UBAP1: variants seen among roughly 807,000 people sequenced by gnomAD.
UBAP1 encodes the protein ubiquitin associated protein 1.
A neutral mutation model predicts 39.0 loss-of-function variants in UBAP1; 5 were observed. That is an observed-to-expected ratio of 0.13 (90% CI 0.07 to 0.27). UBAP1 has a LOEUF of 0.27. Ranked by LOEUF, UBAP1 falls within the 10% of genes least tolerant of loss-of-function variation. UBAP1 has a pLI of 1.00. For synonymous variants in UBAP1, 211 were observed against 225.1 expected (o/e 0.94, Z 0.56); for missense variants, 490 against 608.1 (o/e 0.81, Z 2.04).
At chr9:34,189,206 A>T (rs1385034013) in intron 1 of UBAP1, among the ~76,000 whole-genome samples, 3 of 144,282 alleles carry the variant, frequency 2.1e-5, no homozygotes, top group Non-Finnish European at 1.5e-5. Context: ...TTTTTTTTTT[A>T]AAGACAGAGT....
rs1405888069 is a variant in UBAP1, at chr9:34,234,436, C to T, written c.159+96C>T. ...AAATAGAAAAAATTACAGTTGTGAG[C>T]TGAATCATGTTTTGGTCAACGATGG... On this transcript the variant is annotated intron_variant, in intron 3 of 6. Transcript: ENST00000297661. 5 of 1,389,714 alleles carry T rather than the reference C, an allele frequency of 3.6e-6. No individual in the cohort carries two copies. The African/African-American group carries it at 7.3e-5, about 20-fold the overall frequency. The allele number at this position is 1,389,714 out of a possible 1,614,324, so 86.1% of individuals were successfully genotyped here.
At chr9:34,207,364 C>T (rs1025232937) in intron 1 of UBAP1, among the ~76,000 whole-genome samples, 1 of 146,196 alleles carries the variant, frequency 6.8e-6, no homozygotes, top group African/African-American at 2.5e-5. Context: ...GTTATTTCTA[C>T]ATGAACTTTA....
chr9:34,188,609 T>TA (rs1830546313), intron 1 of UBAP1, among the ~76,000 whole-genome samples: 1 of 151,960 alleles, frequency 6.6e-6, no homozygotes, highest in Non-Finnish European at 1.5e-5. Flanking sequence ...TGTTGTTTGT[T>TA]ACTACCACTG....
chr9:34,229,459 T>C (rs1194548274), intron 2 of UBAP1, among the ~76,000 whole-genome samples: 2 of 151,780 alleles, frequency 1.3e-5, no homozygotes, highest in African/African-American at 2.4e-5. Context: ...GGTTTCACCA[T>C]GTTGGCCAGG....
chr9:34,239,883 C>T (rs181690883), intron 3 of UBAP1, among the ~76,000 whole-genome samples: 2 of 152,262 alleles, frequency 1.3e-5, no homozygotes, highest in Admixed American at 1.3e-4. Context: ...TTTCTGCCAT[C>T]CTCAGCCCCC....
chr9:34,234,304 C>T lies in UBAP1; in HGVS notation c.123C>T (p.Ser41=), dbSNP rs1187932667. The change falls in exon 3 of 7, where the codon TCC becomes TCT. Residue 41 remains serine, a synonymous_variant. Coordinates refer to ENST00000297661, the MANE Select transcript of UBAP1 (RefSeq NM_016525.5). The stretch of plus-strand genomic sequence containing the variant: ...AAGTTGGTCTACCTATTGGCTTCTC[C>T]TTGCCTGATTGTTTGCAGGTTGTCA... ...PAKVGLPIGF[S]LPDCLQVVRE... is the part of the protein sequence containing the mutation. 3.1e-6 allele frequency: 5 copies of T among 1,611,012 alleles called. No individual in the cohort carries two copies. The Admixed American group carries it at 5.1e-5, about 16-fold the overall frequency.
At chr9:34,226,260 C>T (rs546197281) in intron 2 of UBAP1, among the ~76,000 whole-genome samples, 3 of 149,114 alleles carry the variant, frequency 2.0e-5, no homozygotes, top group South Asian at 4.3e-4. Flanking sequence ...GATGGAGTCC[C>T]GCTCTGTCGC....
chr9:34,182,659 CTTTCTTTCTTTCTT>C (rs1295250174), intron 1 of UBAP1, among the ~76,000 whole-genome samples: 18 of 55,292 alleles, frequency 3.3e-4, no homozygotes, highest in South Asian at 9.5e-4. Context: ...TTCTTTCTTT[CTTTCTTTCTTTCTT>C]TCTTTCTTTC....
intron 1 of UBAP1, among the ~76,000 whole-genome samples, chr9:34,204,070 C>T (rs1254493883): frequency 6.6e-6 from 1 of 152,188 alleles, no homozygotes; most frequent in African/African-American, 2.4e-5. Flanking sequence ...TTCATGCCTG[C>T]AATCCCAGAG....
At chr9:34,198,083 G>A (rs1476037892) in intron 1 of UBAP1, among the ~76,000 whole-genome samples, 2 of 152,148 alleles carry the variant, frequency 1.3e-5, no homozygotes, top group East Asian at 3.9e-4. Flanking sequence ...GGTGGGGCTT[G>A]TTCTCTGGGG....
chr9:34,183,962 G>T (rs1438866654), intron 1 of UBAP1, among the ~76,000 whole-genome samples: 2 of 151,860 alleles, frequency 1.3e-5, no homozygotes, highest in Non-Finnish European at 2.9e-5. Flanking sequence ...TAGAGACGGG[G>T]TTTCTCCATG....
intron 1 of UBAP1, among the ~76,000 whole-genome samples, chr9:34,195,348 ACGT>A (rs1830968143): frequency 6.6e-6 from 1 of 151,882 alleles, no homozygotes; most frequent in African/African-American, 2.4e-5. Flanking sequence ...ATTATATATG[ACGT>A]CATATGGATG....
intron 1 of UBAP1, among the ~76,000 whole-genome samples, chr9:34,191,026 G>C (rs888918431): frequency 6.6e-6 from 1 of 152,028 alleles, no homozygotes; most frequent in African/African-American, 2.4e-5. Flanking sequence ...ATTTCATTTA[G>C]TAGTATAAGA....
At chr9:34,228,609 A>C (rs1587858946) in intron 2 of UBAP1, among the ~76,000 whole-genome samples, 2 of 125,330 alleles carry the variant, frequency 1.6e-5, no homozygotes, top group African/African-American at 3.2e-5. Flanking sequence ...AGTCTCAGTC[A>C]CCCAGGCTGG....
chr9:34,208,485 A>G (rs1231546591), intron 1 of UBAP1, among the ~76,000 whole-genome samples: 1 of 151,958 alleles, frequency 6.6e-6, no homozygotes, highest in Non-Finnish European at 1.5e-5. Flanking sequence ...TCTACTAAAA[A>G]TAAAAAAATT....
chr9:34,190,729 T>G (rs1262272076), intron 1 of UBAP1, among the ~76,000 whole-genome samples: 2 of 149,188 alleles, frequency 1.3e-5, no homozygotes, highest in Non-Finnish European at 3.0e-5. Flanking sequence ...CTTGACTTCC[T>G]GGGTTCAGGT....
chr9:34,190,024 A>T (rs912013594), intron 1 of UBAP1, among the ~76,000 whole-genome samples: 4 of 152,218 alleles, frequency 2.6e-5, no homozygotes, highest in Non-Finnish European at 5.9e-5. Flanking sequence ...TTGTTTTCTG[A>T]AAATACTTTA....
chr9:34,223,400 A>G (rs2131585393), intron 2 of UBAP1, among the ~76,000 whole-genome samples: 1 of 149,480 alleles, frequency 6.7e-6, no homozygotes, highest in Non-Finnish European at 1.5e-5. Context: ...AATGCACTCC[A>G]TTCCATCTCA....
At chr9:34,210,758 A>G (rs1209209104) in intron 1 of UBAP1, among the ~76,000 whole-genome samples, 3 of 148,126 alleles carry the variant, frequency 2.0e-5, no homozygotes, top group African/African-American at 7.4e-5. Context: ...CATGTTTTCT[A>G]TAGGTATACT....
Sources: gnomAD v4.1 joint callset for allele counts (sites outside exome capture counted in the v4.1 genomes callset) on GRCh38, gnomAD v4.1.1 for gene constraint, MANE v1.5 for transcripts, NCBI Gene and HGNC (gene_info 2026-07-23, HGNC 2026-07-21) for gene names.